CFAP58: variants seen among roughly 807,000 people sequenced by gnomAD.
CFAP58 encodes the protein cilia and flagella associated protein 58.
A neutral mutation model predicts 119.5 loss-of-function variants in CFAP58; 88 were observed. The observed-to-expected ratio is 0.74, with a 90% CI of 0.62 to 0.88. The LOEUF is 0.88. CFAP58 is among the 40% of genes least tolerant of loss of function. The pLI is 0.00. For missense variants in CFAP58, 990 were observed against 1,021.2 expected (o/e 0.97, Z 0.42); for synonymous variants, 365 against 366.3 (o/e 1.00, Z 0.04).
chr10:104,440,258 A>G (rs2013016035), intron 15 of CFAP58, among the ~76,000 whole-genome samples: 1 of 152,214 alleles, frequency 6.6e-6, no homozygotes, highest in African/African-American at 2.4e-5. Context: ...AAAAAATACC[A>G]AACACAATTC....
intron 5 of CFAP58, among the ~76,000 whole-genome samples, chr10:104,368,075 C>T (rs1158372683): frequency 6.6e-6 from 1 of 152,276 alleles, no homozygotes; most frequent in African/African-American, 2.4e-5. Context: ...GAATCTCTAG[C>T]TCATTTGCAA....
chr10:104,421,011 C>A (rs1377759445), intron 15 of CFAP58, among the ~76,000 whole-genome samples: 1 of 152,138 alleles, frequency 6.6e-6, no homozygotes, highest in Non-Finnish European at 1.5e-5. Flanking sequence ...CCTTGGCCTG[C>A]CAAAGTGCTG....
chr10:104,365,101 T>C (rs992062927), intron 4 of CFAP58, among the ~76,000 whole-genome samples: 1 of 152,144 alleles, frequency 6.6e-6, no homozygotes. Context: ...GCATTCTCTG[T>C]CTGAGAAGTC....
At chr10:104,395,783 G>A (rs928907703) in intron 11 of CFAP58, among the ~76,000 whole-genome samples, 1 of 152,164 alleles carries the variant, frequency 6.6e-6, no homozygotes, top group Non-Finnish European at 1.5e-5. Flanking sequence ...CGAGTTGTAC[G>A]AAGCTACGCG....
intron 5 of CFAP58, among the ~76,000 whole-genome samples, chr10:104,368,027 A>G (rs7913744): frequency 0.021 from 3,137 of 152,360 alleles, 127 homozygotes; most frequent in African/African-American, 0.072. Flanking sequence ...GCTTCTGAAG[A>G]TGTAGCTTCC....
intron 14 of CFAP58, among the ~76,000 whole-genome samples, chr10:104,405,049 A>T (rs2012336697): frequency 6.6e-6 from 1 of 152,142 alleles, no homozygotes; most frequent in East Asian, 1.9e-4. Flanking sequence ...AGCCAGGTAG[A>T]TTCTTGTTTT....
intron 15 of CFAP58, among the ~76,000 whole-genome samples, chr10:104,436,348 T>G (rs1253094957): frequency 6.6e-6 from 1 of 152,224 alleles, no homozygotes; most frequent in Non-Finnish European, 1.5e-5. Context: ...CAGTAGCTTC[T>G]GTGTTAGGCT....
At chr10:104,420,831 C>T (rs1480482155) in intron 15 of CFAP58, among the ~76,000 whole-genome samples, 2 of 149,638 alleles carry the variant, frequency 1.3e-5, no homozygotes, top group African/African-American at 4.9e-5. Context: ...CAGCTCACTG[C>T]AGCCTCAAGT....
intron 15 of CFAP58, among the ~76,000 whole-genome samples, chr10:104,423,011 C>CT (rs2012685692): frequency 6.6e-6 from 1 of 152,230 alleles, no homozygotes; most frequent in Non-Finnish European, 1.5e-5. Context: ...ACTAAGATTT[C>CT]TTTTTTTAAT....
intron 15 of CFAP58, among the ~76,000 whole-genome samples, chr10:104,416,876 G>A (rs768454950): frequency 3.9e-5 from 6 of 152,150 alleles, no homozygotes; most frequent in Non-Finnish European, 7.4e-5. Flanking sequence ...ACAGCATGTG[G>A]TGTAAGAACA....
In CFAP58 at chr10:104,358,373, T is replaced by C. The variant is rs375647831; in HGVS notation, c.42T>C (p.Ser14=). 4.1e-5 allele frequency: 66 copies of C among 1,613,418 alleles called. No individual in the cohort carries two copies. Among genetic ancestry groups the C allele is most frequent in the Admixed American group, 6.7e-5 (4 of 59,906 alleles). Residue 14 remains serine (S), a synonymous_variant, in exon 2 of 18, where the codon TCT becomes TCC. Transcript: ENST00000369704. ...EKGGKQVLEE[S]AFEEMERDFQ... ...GTGGAAAGCAAGTCCTGGAAGAATC[T>C]GCATTTGAAGAAATGGAAAGAGATT...
In CFAP58 at chr10:104,357,963, ATG is replaced by A. The variant is rs1263335408; in HGVS notation, c.10-376_10-375del. Among the ~76,000 whole-genome samples the A allele has an allele frequency of 3.6e-4, 38 of 106,452 alleles. 2 individuals are homozygous for A. Among genetic ancestry groups the A allele is most frequent in the African/African-American group, 1.9e-3 (29 of 15,398 alleles). 69.8% of individuals were successfully genotyped at this position (106,452 alleles called of 152,430 possible). ...TATATGTACACATATATACACATAT[ATG>A]TACACATATGTACATATGTACACAT... On this transcript the variant is annotated intron_variant, in intron 1 of 17. Coordinates refer to ENST00000369704, the MANE Select transcript of CFAP58 (RefSeq NM_001008723.2).
At chr10:104,426,965 A>C (rs1443689751) in intron 15 of CFAP58, among the ~76,000 whole-genome samples, 3 of 152,222 alleles carry the variant, frequency 2.0e-5, no homozygotes, top group Admixed American at 2.0e-4. Context: ...TAGTTGGAAC[A>C]ATGGAAATGA....
intron 13 of CFAP58, among the ~76,000 whole-genome samples, chr10:104,401,516 C>T (rs1370421752): frequency 1.3e-5 from 2 of 152,154 alleles, no homozygotes; most frequent in African/African-American, 4.8e-5. Flanking sequence ...GGGAAAACGT[C>T]ACCATGTTTT....
At chr10:104,417,682 T>C (rs2012575349) in intron 15 of CFAP58, among the ~76,000 whole-genome samples, 1 of 152,202 alleles carries the variant, frequency 6.6e-6, no homozygotes, top group South Asian at 2.1e-4. Context: ...CAGTCACAGC[T>C]CACATCGATT....
At chr10:104,381,773 G>A (rs2011809574) in intron 9 of CFAP58, among the ~76,000 whole-genome samples, 1 of 152,296 alleles carries the variant, frequency 6.6e-6, no homozygotes, top group South Asian at 2.1e-4. Context: ...GCTTTGGGAA[G>A]GGCTACTGGA....
At chr10:104,397,058 A>G (rs577021894) in intron 11 of CFAP58, among the ~76,000 whole-genome samples, 9 of 152,328 alleles carry the variant, frequency 5.9e-5, no homozygotes, top group African/African-American at 2.2e-4. Flanking sequence ...TGTTGATTGC[A>G]TTTGAATATA....
chr10:104,376,502 C>CA (rs1282859666), intron 7 of CFAP58, among the ~76,000 whole-genome samples: 1,905 of 47,496 alleles, frequency 0.04, 30 homozygotes, highest in African/African-American at 0.068. Flanking sequence ...AACTCCGTCT[C>CA]AAAAAAAAAA....
At chr10:104,394,698 C>A (rs1188351521) in intron 11 of CFAP58, among the ~76,000 whole-genome samples, 4 of 152,208 alleles carry the variant, frequency 2.6e-5, no homozygotes, top group Non-Finnish European at 5.9e-5. Flanking sequence ...ATCTCCCCCA[C>A]TCTAGCTTAT....
Sources: gnomAD v4.1 joint callset for allele counts (sites outside exome capture counted in the v4.1 genomes callset) on GRCh38, gnomAD v4.1.1 for gene constraint, MANE v1.5 for transcripts, NCBI Gene and HGNC (gene_info 2026-07-23, HGNC 2026-07-21) for gene names.